Variants in WNT3 observed in about 807,000 individuals in gnomAD.
The protein encoded by WNT3 is proto-oncogene Wnt-3.
In WNT3, 7 loss-of-function variants were observed where a neutral mutation model predicts 34.2. The observed-to-expected ratio is 0.20, with a 90% confidence interval of 0.12 to 0.38. The LOEUF is 0.38. Among genes scored for constraint, WNT3 ranks in the 10% least tolerant of loss-of-function variants. WNT3 has a pLI of 1.00. For missense variants in WNT3, 267 were observed against 499.8 expected, an observed-to-expected ratio of 0.53 and a Z score of 4.44; for synonymous variants, 212 against 211.5, an observed-to-expected ratio of 1.00 and a Z score of -0.02.
At chr17:46,818,420 GC>G in intron 1 of WNT3, 97 bp downstream of exon 1, 1 of 1,236,444 alleles carries the variant, frequency 8.1e-7, no homozygotes, top group East Asian at 2.5e-5. Context: ...GAGGAGAGGA[GC>G]CCCAGCCCTG....
chr17:46,777,264 C>T lies in WNT3; in HGVS notation c.81-3355G>A, dbSNP rs149882796. Reference sequence around the variant, plus strand: ...GGCCGTGAAAGAGGACCAACTTGTGCGAGGTCACACAGCCATATCCACAGA... The same window carrying T: ...GGCCGTGAAAGAGGACCAACTTGTGTGAGGTCACACAGCCATATCCACAGA... On this transcript the variant is annotated intron_variant, in intron 1 of 4. Transcript: ENST00000225512. Among the ~76,000 whole-genome samples the T allele has an allele frequency of 6.0e-3, 916 of 152,344 alleles. 11 individuals are homozygous for T. The highest frequency in any genetic ancestry group is 0.02 in the African/African-American group (824 of 41,566).
In WNT3 at chr17:46,811,579, G is replaced by A. The variant is rs543684219; in HGVS notation, c.80+6939C>T. On this transcript the variant is annotated intron_variant, in intron 1 of 4. Coordinates refer to ENST00000225512, the MANE Select transcript of WNT3 (RefSeq NM_030753.5). ...CACTGAGACCTGAGCAACAGAAAAGGAGCAAACCTGCAGGCAGGCCCTCCC... is the reference window on the plus strand; with the variant it reads ...CACTGAGACCTGAGCAACAGAAAAGAAGCAAACCTGCAGGCAGGCCCTCCC... 2.6e-5 allele frequency among the ~76,000 whole-genome samples: 4 copies of A among 152,192 alleles called. No homozygotes were observed. In the South Asian group the frequency reaches 8.3e-4, roughly 32 times the overall value.
intron 1 of WNT3, among the ~76,000 whole-genome samples, chr17:46,779,896 T>A (rs539694212): frequency 6.6e-6 from 1 of 152,110 alleles, no homozygotes; most frequent in African/African-American, 2.4e-5. Context: ...GTAGCTGGGA[T>A]AAGAGGCATG....
intron 1 of WNT3, among the ~76,000 whole-genome samples, chr17:46,795,439 C>T (rs1359341247): frequency 6.6e-6 from 1 of 152,120 alleles, no homozygotes; most frequent in Non-Finnish European, 1.5e-5. Flanking sequence ...AGAAGACCAG[C>T]CGGCCCGTGG....
chr17:46,811,302 T>C (rs969005779), intron 1 of WNT3, among the ~76,000 whole-genome samples: 3 of 152,102 alleles, frequency 2.0e-5, no homozygotes, highest in African/African-American at 7.2e-5. Context: ...GAAATGCTGA[T>C]GTCAACTCAG....
intron 1 of WNT3, among the ~76,000 whole-genome samples, chr17:46,779,093 A>ACACACACACACACG (rs2059436897): frequency 2.5e-5 from 3 of 121,160 alleles, no homozygotes; most frequent in Non-Finnish European, 5.8e-5. Flanking sequence ...ACACACACAC[A>ACACACACACACACG]CACACACACA....
chr17:46,779,389 C>T (rs192533785), intron 1 of WNT3, among the ~76,000 whole-genome samples: 4 of 152,254 alleles, frequency 2.6e-5, no homozygotes, highest in East Asian at 1.9e-4. Flanking sequence ...GCCAGGCCTT[C>T]GCAGCTGGGC....
intron 1 of WNT3, among the ~76,000 whole-genome samples, chr17:46,795,870 C>CCT (rs199769168): frequency 2.6e-5 from 4 of 152,066 alleles, no homozygotes; most frequent in African/African-American, 9.7e-5. Context: ...TCTGTCTCTC[C>CCT]CTCTCTCTCT....
intron 1 of WNT3, among the ~76,000 whole-genome samples, chr17:46,779,053 T>TCACACACACACACACACA (rs56965619): frequency 0.027 from 2,680 of 100,554 alleles, 109 homozygotes; most frequent in Non-Finnish European, 0.033. Context: ...CCCTACCCCA[T>TCACACACACACACACACA]CACACACACA....
At chr17:46,784,083 G>C (rs2059482903) in intron 1 of WNT3, among the ~76,000 whole-genome samples, 1 of 152,146 alleles carries the variant, frequency 6.6e-6, no homozygotes, top group Non-Finnish European at 1.5e-5. Context: ...CATGTGTCTG[G>C]GTCACCGGGG....
chr17:46,806,791 C>A (rs1464149447), intron 1 of WNT3, among the ~76,000 whole-genome samples: 1 of 152,218 alleles, frequency 6.6e-6, no homozygotes, highest in Admixed American at 6.5e-5. Context: ...TGTGAGGACA[C>A]CTTGCTGGGT....
At chr17:46,800,942 T>C (rs1324486386) in intron 1 of WNT3, among the ~76,000 whole-genome samples, 5 of 151,982 alleles carry the variant, frequency 3.3e-5, no homozygotes, top group Non-Finnish European at 5.9e-5. Flanking sequence ...AGGCAGGGGG[T>C]AGCACAGAGG....
intron 1 of WNT3, among the ~76,000 whole-genome samples, chr17:46,775,676 T>TGATCTCG (rs1254012339): frequency 6.7e-6 from 1 of 148,836 alleles, no homozygotes; most frequent in African/African-American, 2.5e-5. Flanking sequence ...TGCAGTGACG[T>TGATCTCG]GATCTCGGCT....
intron 1 of WNT3, among the ~76,000 whole-genome samples, chr17:46,779,133 G>A (rs1020909218): frequency 7.1e-5 from 10 of 140,302 alleles, no homozygotes; most frequent in African/African-American, 2.2e-4. Flanking sequence ...CCAAAGGGCC[G>A]GGCACATGCT....
At chr17:46,795,993 A>G (rs767882058) in intron 1 of WNT3, among the ~76,000 whole-genome samples, 2 of 152,214 alleles carry the variant, frequency 1.3e-5, no homozygotes, top group Non-Finnish European at 2.9e-5. Context: ...ATTAAAAAAA[A>G]AAGAACTGAT....
rs746671229 is a variant in WNT3, at chr17:46,773,674, C to T, written c.316G>A (p.Asp106Asn). The change falls in exon 2 of 5, where the codon GAC becomes AAC. Residue 106 changes from aspartate to asparagine, a missense_variant. Coordinates refer to ENST00000225512, the MANE Select transcript of WNT3 (RefSeq NM_030753.5). The stretch of plus-strand genomic sequence containing the variant: ...CTCAGCCCCAAGGCAGTACCTTTGT[C>T]GAGGACGGGCCCAAAGATGGCCAGG... ...DSLAIFGPVL[D>N]KATRESAFVH... The T allele has an allele frequency of 1.5e-6, 2 of 1,312,684 alleles. No homozygotes were observed. Among genetic ancestry groups the T allele is most frequent in the South Asian group, 2.3e-5 (2 of 86,288 alleles). The allele number at this position is 1,312,684 out of a possible 1,614,324, so 81.3% of individuals were successfully genotyped here.
At chr17:46,791,351 G>A (rs1261864357) in intron 1 of WNT3, among the ~76,000 whole-genome samples, 5 of 152,048 alleles carry the variant, frequency 3.3e-5, no homozygotes. Flanking sequence ...TTACAGACGA[G>A]GACCACCATA....
At chr17:46,766,139 T>C (rs1215775824) in intron 4 of WNT3, among the ~76,000 whole-genome samples, 1 of 152,178 alleles carries the variant, frequency 6.6e-6, no homozygotes, top group African/African-American at 2.4e-5. Context: ...CCGGGCGCGG[T>C]GGCTCACGCC....
chr17:46,810,136 A>C (rs1264044674), intron 1 of WNT3, among the ~76,000 whole-genome samples: 2 of 150,508 alleles, frequency 1.3e-5, no homozygotes, highest in Non-Finnish European at 2.9e-5. Context: ...CCTTCCGAGT[A>C]GCTGGGATTA....
Sources: gnomAD v4.1 joint callset for allele counts (sites outside exome capture counted in the v4.1 genomes callset) on GRCh38, gnomAD v4.1.1 for gene constraint, MANE v1.5 for transcripts, NCBI Gene and HGNC (gene_info 2026-07-23, HGNC 2026-07-21) for gene names.